TRDN: variants seen among roughly 807,000 people sequenced by gnomAD.
TRDN encodes the protein triadin.
A neutral mutation model predicts 149.7 loss-of-function variants in TRDN; 161 were observed. That is an observed-to-expected ratio of 1.08 (90% CI 0.95 to 1.23). TRDN has a LOEUF of 1.23. Ranked by LOEUF, TRDN falls within the 50% of genes most tolerant of loss-of-function variation. The pLI, the probability that TRDN is intolerant of heterozygous loss-of-function variation, is 0.00. For missense variants in TRDN, 896 were observed against 823.5 expected, an observed-to-expected ratio of 1.09 and a Z score of -1.08; for synonymous variants, 294 against 250.5, an observed-to-expected ratio of 1.17 and a Z score of -1.64.
chr6:123,463,671 GGC>G (rs1776614702), intron 10 of TRDN, among the ~76,000 whole-genome samples: 1 of 152,012 alleles, frequency 6.6e-6, no homozygotes, highest in Non-Finnish European at 1.5e-5. Flanking sequence ...TGAACATTTT[GGC>G]GAGTGAGATA....
chr6:123,259,594 G>T, intron 35 of TRDN, 30 bp downstream of exon 35: 2 of 1,399,626 alleles, frequency 1.4e-6, no homozygotes, highest in East Asian at 2.6e-5. Context: ...TGGCTAATTT[G>T]ATGTATATGT....
intron 38 of TRDN, among the ~76,000 whole-genome samples, chr6:123,225,430 G>T (rs1287275603): frequency 6.6e-6 from 1 of 151,486 alleles, no homozygotes; most frequent in Non-Finnish European, 1.5e-5. Context: ...TTTCACTTCT[G>T]GGTATATATC....
intron 9 of TRDN, among the ~76,000 whole-genome samples, chr6:123,480,704 C>G (rs950285736): frequency 6.6e-6 from 1 of 151,644 alleles, no homozygotes; most frequent in South Asian, 2.1e-4. Flanking sequence ...AAAATGGTTC[C>G]CAGAGGTAAA....
intron 10 of TRDN, chr6:123,462,969 G>C (rs1477735439): frequency 6.6e-6 from 1 of 152,132 alleles, no homozygotes; most frequent in Non-Finnish European, 1.5e-5. Flanking sequence ...ACTGACAAAG[G>C]CTTGTGATCC....
intron 10 of TRDN, among the ~76,000 whole-genome samples, chr6:123,458,780 C>A (rs1159534699): frequency 6.6e-6 from 1 of 151,790 alleles, no homozygotes; most frequent in Non-Finnish European, 1.5e-5. Context: ...TTGAAGCTAA[C>A]CTTTGTATGA....
chr6:123,242,532 A>T (rs1353560457), intron 38 of TRDN, among the ~76,000 whole-genome samples: 1 of 152,174 alleles, frequency 6.6e-6, no homozygotes, highest in Non-Finnish European at 1.5e-5. Flanking sequence ...GGCTGGGAGC[A>T]AGATGGCTGT....
chr6:123,613,694 A>C (rs1293345055), intron 1 of TRDN, among the ~76,000 whole-genome samples: 1 of 152,218 alleles, frequency 6.6e-6, no homozygotes, highest in Non-Finnish European at 1.5e-5. Context: ...TCTTACAATT[A>C]ATATCCATTT....
chr6:123,367,242 C>A (rs917979391), intron 19 of TRDN, among the ~76,000 whole-genome samples: 2 of 152,010 alleles, frequency 1.3e-5, no homozygotes, highest in Non-Finnish European at 2.9e-5. Flanking sequence ...TGAATTTTCA[C>A]GAAGTCTTAT....
intron 23 of TRDN, among the ~76,000 whole-genome samples, chr6:123,322,855 G>C (rs899985077): frequency 1.3e-5 from 2 of 151,708 alleles, no homozygotes; most frequent in South Asian, 4.2e-4. Context: ...TAGCCAGGAT[G>C]GTGTTGATCT....
At position 123,247,857 on chromosome 6, in the gene TRDN, A is replaced by T. The variant is rs1478358249; in HGVS notation, c.1975+4555T>A. On this transcript the variant is annotated intron_variant, in intron 38 of 40. Coordinates refer to ENST00000334268, the MANE Select transcript of TRDN (RefSeq NM_006073.4). Reference sequence around the variant, plus strand: ...TACCTGACCTCAAACTATACTACAAAGCTACAGTAAACAAAACAGCATGGT... The same window carrying T: ...TACCTGACCTCAAACTATACTACAATGCTACAGTAAACAAAACAGCATGGT... Among the ~76,000 whole-genome samples the T allele has an allele frequency of 3.9e-5, 6 of 152,104 alleles. No homozygotes were observed. The East Asian group carries it at 9.6e-4, about 24-fold the overall frequency.
At chr6:123,220,715 C>T (rs901658103) in intron 40 of TRDN, among the ~76,000 whole-genome samples, 3 of 151,668 alleles carry the variant, frequency 2.0e-5, no homozygotes, top group African/African-American at 7.3e-5. Flanking sequence ...TTAGTAATTT[C>T]CTGCACAAAA....
chr6:123,498,649 T>A (rs1778548774), intron 8 of TRDN: 1 of 470,036 alleles, frequency 2.1e-6, no homozygotes, highest in Admixed American at 2.4e-5. Flanking sequence ...GGGAACCCTA[T>A]GATTGGGAAA....
chr6:123,301,741 G>A lies in TRDN; in HGVS notation c.1510+14716C>T, dbSNP rs9490722. On this transcript the variant is annotated intron_variant, in intron 24 of 40. Transcript: ENST00000334268. The stretch of plus-strand genomic sequence containing the variant: ...CCAGTACATATATGTATGTATGTAT[G>A]TATATATATACATATATATATATAT... 8.2e-4 allele frequency among the ~76,000 whole-genome samples: 39 copies of A among 47,298 alleles called. 1 individual carries two copies. In the East Asian group the frequency reaches 8.6e-3, roughly 10 times the overall value. The allele number at this position is 47,298 out of a possible 152,430, so 31.0% of individuals were successfully genotyped here. A position where few individuals can be genotyped will look rare whatever the true frequency, so the allele number is the denominator to read the frequency against.
chr6:123,571,272 C>A (rs752713787), intron 1 of TRDN, 140 bp from the exon 2 acceptor site: 2 of 802,606 alleles, frequency 2.5e-6, no homozygotes, highest in Admixed American at 2.7e-5. Flanking sequence ...CAGGACAAAG[C>A]CTCCCTGCCC....
At chr6:123,527,594 A>G (rs1192949049) in intron 5 of TRDN, among the ~76,000 whole-genome samples, 7 of 151,928 alleles carry the variant, frequency 4.6e-5, no homozygotes, top group African/African-American at 2.4e-5. Flanking sequence ...AAACTACTCC[A>G]TTGTGGTTAA....
intron 1 of TRDN, among the ~76,000 whole-genome samples, chr6:123,590,371 G>C (rs1783719887): frequency 6.6e-6 from 1 of 152,134 alleles, no homozygotes; most frequent in African/African-American, 2.4e-5. Context: ...TCGCCCCCAG[G>C]TGGGACTGTC....
chr6:123,425,871 TATCTATCTATCTATC>T (rs549953260), intron 12 of TRDN, among the ~76,000 whole-genome samples: 13 of 151,980 alleles, frequency 8.6e-5, no homozygotes, highest in Non-Finnish European at 1.6e-4. Flanking sequence ...ATAATATACA[TATCTATCTATCTATC>T]ATCTATCTAT....
At chr6:123,400,613 T>A (rs1772926482) in intron 12 of TRDN, among the ~76,000 whole-genome samples, 1 of 152,100 alleles carries the variant, frequency 6.6e-6, no homozygotes, top group African/African-American at 2.4e-5. Context: ...TGCAGCCTGG[T>A]TCCTATCAGG....
rs1368908707 is a variant in TRDN at position 123,269,847 on chromosome 6, A to G, written c.1738+2T>C. On this transcript the variant is annotated splice_donor_variant, in intron 31 of 40. Transcript: ENST00000334268. LOFTEE classifies it high-confidence loss of function. ...TCAGGTGTTATTCTATTCATCTCTTACTTGTTGGTTTGGGCTTGGCTGTGG... is the reference window on the plus strand; with the variant it reads ...TCAGGTGTTATTCTATTCATCTCTTGCTTGTTGGTTTGGGCTTGGCTGTGG... 2 of 1,610,578 alleles carry G rather than the reference A, an allele frequency of 1.2e-6. No homozygotes were observed. Among genetic ancestry groups the G allele is most frequent in the East Asian group, 2.2e-5 (1 of 44,632 alleles).
Sources: allele counts gnomAD v4.1 joint callset (sites outside exome capture counted in the v4.1 genomes callset), GRCh38; gene constraint gnomAD v4.1.1; transcripts MANE v1.5; gene names NCBI Gene and HGNC (gene_info 2026-07-23, HGNC 2026-07-21).